The following TNRC6A variants were observed in gnomAD, a reference collection of about 807,000 sequenced individuals.
The protein encoded by TNRC6A is trinucleotide repeat containing adaptor 6A.
Under a neutral mutation model 221.2 loss-of-function variants are expected in TNRC6A, and 44 were observed. The ratio of observed to expected loss-of-function variants is 0.20; its 90% CI spans 0.16 to 0.26. The LOEUF (loss-of-function observed/expected upper bound fraction) is 0.26. TNRC6A is among the 10% of genes least tolerant of loss of function. TNRC6A has a pLI of 1.00. For synonymous variants in TNRC6A, 847 were observed against 838.5 expected (o/e 1.01, Z -0.18); for missense variants, 2,199 against 2,404.4 (o/e 0.91, Z 1.79).
At chr16:24,741,289 T>C (rs145746801) in intron 2 of TNRC6A, among the ~76,000 whole-genome samples, 1 of 152,334 alleles carries the variant, frequency 6.6e-6, no homozygotes, top group East Asian at 1.9e-4. Flanking sequence ...TGTGGGCCTT[T>C]ATCAGGTTAA....
chr16:24,737,390 T>G lies in TNRC6A; in HGVS notation c.53+7090T>G, dbSNP rs554614335. Among the ~76,000 whole-genome samples the G allele has an allele frequency of 9.2e-5, 14 of 152,316 alleles. No individual in the cohort carries two copies. The South Asian group carries it at 2.9e-3, about 32-fold the overall frequency. On this transcript the variant is annotated intron_variant, in intron 2 of 24. Coordinates refer to ENST00000395799, the MANE Select transcript of TNRC6A (RefSeq NM_014494.4). Reference sequence around the variant, plus strand: ...AAAAAGCCACCCATGAAAATAAATATAGTTTAAATTTCCTATTTAAGATGT... The same window carrying G: ...AAAAAGCCACCCATGAAAATAAATAGAGTTTAAATTTCCTATTTAAGATGT...
chr16:24,733,149 G>A (rs13336928), intron 2 of TNRC6A, among the ~76,000 whole-genome samples: 36,411 of 151,988 alleles, frequency 0.24, 4,882 homozygotes, highest in Non-Finnish European at 0.31. Context: ...CCCTGGGAGC[G>A]GAGAGCCGAG....
At chr16:24,645,323 T>A (rs1179637091) in intron 2 of TNRC6A, among the ~76,000 whole-genome samples, 1 of 151,870 alleles carries the variant, frequency 6.6e-6, no homozygotes, top group African/African-American at 2.4e-5. Flanking sequence ...CTGGCCAACA[T>A]GGTGAAACCC....
rs139403173 is a variant in TNRC6A at position 24,791,651 on chromosome 16, T to C, written c.3009T>C (p.Asp1003=). The part of the protein sequence containing the change: ...ESIRRKMEID[D]GTSAWGDPSK... The stretch of plus-strand genomic sequence containing the variant: ...TACGTCGCAAAATGGAGATTGATGA[T>C]GGAACTTCAGCTTGGGGAGATCCAA... The change falls in exon 6 of 25, where the codon GAT becomes GAC. Residue 1003 remains aspartate, a synonymous_variant. Coordinates refer to ENST00000395799, the MANE Select transcript of TNRC6A (RefSeq NM_014494.4). 7.0e-3 allele frequency: 11,287 copies of C among 1,612,238 alleles called. 41 individuals carry two copies. The highest frequency in any genetic ancestry group is 8.1e-3 in the Non-Finnish European group (9,603 of 1,179,562).
At chr16:24,701,737 ATGATTC>A (rs1204307871) in intron 2 of TNRC6A, among the ~76,000 whole-genome samples, 2 of 152,146 alleles carry the variant, frequency 1.3e-5, no homozygotes, top group Non-Finnish European at 2.9e-5. Flanking sequence ...ATTTTCACAA[ATGATTC>A]TGCCTCTTTC....
chr16:24,794,759 C>T lies in TNRC6A; in HGVS notation c.3528+40C>T, dbSNP rs373969576. The T allele has an allele frequency of 3.5e-4, 550 of 1,566,624 alleles. 3 individuals carry two copies. The highest frequency in any genetic ancestry group is 1.9e-3 in the Middle Eastern group (11 of 5,728). The stretch of plus-strand genomic sequence containing the variant: ...GGCAAAGCCCTTGAAACTTTAAATT[C>T]CAAAGGTAGTTTACCCACAGAAAAT... On this transcript the variant is annotated intron_variant, in intron 8 of 24. Transcript: ENST00000395799.
rs757877428 is a variant in TNRC6A at position 24,789,373 on chromosome 16, G to T, written c.731G>T (p.Gly244Val). ...SEKEAWPSAPGSDPELASECM... is the reference protein window; with the variant it reads ...SEKEAWPSAPVSDPELASECM... Reference sequence around the variant, plus strand: ...AAAGAAGCATGGCCCTCAGCCCCTGGCAGTGATCCGGAGTTGGCTTCAGAA... The same window carrying T: ...AAAGAAGCATGGCCCTCAGCCCCTGTCAGTGATCCGGAGTTGGCTTCAGAA... The change falls in exon 6 of 25, where the codon GGC (glycine) becomes GTC (valine). Residue 244 changes from glycine to valine, a missense_variant. Coordinates refer to ENST00000395799, the MANE Select transcript of TNRC6A (RefSeq NM_014494.4). The T allele has an allele frequency of 3.7e-6, 6 of 1,614,098 alleles. No homozygotes were observed. The highest frequency in any genetic ancestry group is 5.1e-6 in the Non-Finnish European group (6 of 1,180,056).
At chr16:24,792,783 CA>C (rs200593806) in intron 6 of TNRC6A, among the ~76,000 whole-genome samples, 3 of 134,694 alleles carry the variant, frequency 2.2e-5, no homozygotes, top group African/African-American at 8.7e-5. Flanking sequence ...ACTTGTGGCA[CA>C]ATTTTTTTTT....
chr16:24,652,586 C>T (rs1343337316), intron 2 of TNRC6A, among the ~76,000 whole-genome samples: 1 of 152,156 alleles, frequency 6.6e-6, no homozygotes, highest in African/African-American at 2.4e-5. Context: ...TTCTTATAGC[C>T]CTTGTTTTCA....
intron 20 of TNRC6A, among the ~76,000 whole-genome samples, chr16:24,817,667 A>G (rs143659269): frequency 2.0e-5 from 3 of 152,224 alleles, no homozygotes; most frequent in African/African-American, 7.2e-5. Flanking sequence ...TTAAATATTA[A>G]AAAGTATTTT....
intron 2 of TNRC6A, among the ~76,000 whole-genome samples, chr16:24,680,295 C>T (rs1160288804): frequency 6.6e-6 from 1 of 151,388 alleles, no homozygotes; most frequent in Non-Finnish European, 1.5e-5. Context: ...GTAGCATGTG[C>T]CTGTAGTCCT....
At chr16:24,617,116 G>A (rs749961090) in intron 1 of TNRC6A, among the ~76,000 whole-genome samples, 10 of 150,260 alleles carry the variant, frequency 6.7e-5, no homozygotes, top group Non-Finnish European at 1.0e-4. Context: ...GTTTTTTTGA[G>A]CATCTTTTTT....
intron 1 of TNRC6A, among the ~76,000 whole-genome samples, chr16:24,613,708 G>A (rs981286970): frequency 2.0e-5 from 3 of 149,322 alleles, no homozygotes; most frequent in Admixed American, 6.7e-5. Context: ...TCTTTTTTTT[G>A]TATTTTTAGT....
Position 24,613,099 on chromosome 16 carries a change from G to C in TNRC6A, n.276+2615G>C, listed in dbSNP as rs1278137036. Among the ~76,000 whole-genome samples the C allele has an allele frequency of 1.6e-4, 17 of 103,602 alleles. No homozygotes were observed. In the East Asian group the frequency reaches 4.9e-3, roughly 30 times the overall value. 68.0% of individuals were successfully genotyped at this position (103,602 alleles called of 152,430 possible). The stretch of plus-strand genomic sequence containing the variant: ...CCATTGCGCTCTAACCTGGGTGACA[G>C]AGTGAGACTCTGTCTCAAAAAAAAA... On this transcript the variant is annotated intron_variant and non_coding_transcript_variant, in intron 1 of 2. Coordinates refer to the TNRC6A transcript ENST00000566108.
chr16:24,809,333 GTTT>G lies in TNRC6A; in HGVS notation c.4541-13_4541-11del, dbSNP rs2058497230. The G allele has an allele frequency of 6.7e-7, 1 of 1,489,148 alleles. No homozygotes were observed. The highest frequency in any genetic ancestry group is 1.4e-5 in the African/African-American group (1 of 71,654). 92.2% of individuals were successfully genotyped at this position (1,489,148 alleles called of 1,614,324 possible). On this transcript the variant is annotated splice_polypyrimidine_tract_variant and intron_variant, in intron 17 of 24. Transcript: ENST00000395799. The stretch of plus-strand genomic sequence containing the variant: ...GCTGTATTTTCTAAGGTTTTGTTTT[GTTT>G]TTTAATTTTTCAGGCTTGAACTCAA...
At chr16:24,808,520 C>G (rs2058479978) in intron 17 of TNRC6A, among the ~76,000 whole-genome samples, 1 of 152,216 alleles carries the variant, frequency 6.6e-6, no homozygotes, top group Non-Finnish European at 1.5e-5. Flanking sequence ...GCCTGAGATA[C>G]CGGCTGAACC....
Position 24,804,771 on chromosome 16 carries a change from C to T in TNRC6A, c.3904C>T (p.Pro1302Ser). ...GTCCAGTCAAAGCATGAAGCTTCCC[C>T]CTTCAAATAGTGCACTACCTAACCA... ...FMSSQSMKLP[P>S]SNSALPNQAL... Residue 1302 changes from proline to serine, a missense_variant, in exon 13 of 25, where the codon CCT (proline) becomes TCT (serine). By Grantham distance (74) the Pro-to-Ser change is moderately conservative (BLOSUM62 -1). Coordinates refer to ENST00000395799, the MANE Select transcript of TNRC6A (RefSeq NM_014494.4). The T allele has an allele frequency of 6.2e-7, 1 of 1,608,776 alleles. No homozygotes were observed. The highest frequency in any genetic ancestry group is 2.2e-5 in the East Asian group (1 of 44,868).
At chr16:24,677,256 G>A (rs537535062) in intron 2 of TNRC6A, among the ~76,000 whole-genome samples, 51 of 148,046 alleles carry the variant, frequency 3.4e-4, no homozygotes, top group African/African-American at 1.2e-3. Flanking sequence ...TCCACCTCCC[G>A]CGTTCAAGTG....
intron 1 of TNRC6A, among the ~76,000 whole-genome samples, chr16:24,622,264 A>T (rs922455263): frequency 6.6e-6 from 1 of 152,192 alleles, no homozygotes; most frequent in Non-Finnish European, 1.5e-5. Context: ...AATAAAAAAA[A>T]GATAGAACAT....
Sources: allele counts gnomAD v4.1 joint callset (sites outside exome capture counted in the v4.1 genomes callset), GRCh38; gene constraint gnomAD v4.1.1; transcripts MANE v1.5; gene names NCBI Gene and HGNC (gene_info 2026-07-23, HGNC 2026-07-21).